The following PTPRE variants were observed in gnomAD, a reference collection of about 807,000 sequenced individuals.
PTPRE encodes the protein protein tyrosine phosphatase receptor type E, also known as receptor-type tyrosine-protein phosphatase epsilon.
PTPRE carries 51 observed loss-of-function variants against 102.0 expected under a neutral mutation model. The ratio of observed to expected loss-of-function variants is 0.50; its 90% CI spans 0.40 to 0.63. PTPRE has a LOEUF of 0.63. PTPRE is among the 30% of genes least tolerant of loss of function. The pLI, the probability that PTPRE is intolerant of heterozygous loss-of-function variation, is 0.00. For synonymous variants in PTPRE, 345 were observed against 348.2 expected (o/e 0.99, Z 0.10); for missense variants, 752 against 915.1 (o/e 0.82, Z 2.30).
intron 1 of PTPRE, among the ~76,000 whole-genome samples, chr10:127,917,318 T>A (rs377071043): frequency 1.1e-3 from 158 of 149,286 alleles, no homozygotes; most frequent in African/African-American, 3.8e-3. Context: ...GCGAAGAGAG[T>A]TTTTCAGCAT....
chr10:127,932,509 T>A (rs895625833), intron 1 of PTPRE, among the ~76,000 whole-genome samples: 2 of 151,944 alleles, frequency 1.3e-5, no homozygotes, highest in Non-Finnish European at 2.9e-5. Context: ...CTGCACGGAG[T>A]TTCTCTCCAG....
chr10:127,957,451 T>G (rs1849485741), intron 1 of PTPRE, among the ~76,000 whole-genome samples: 1 of 152,240 alleles, frequency 6.6e-6, no homozygotes, highest in Admixed American at 6.5e-5. Flanking sequence ...ACATAGATAA[T>G]CATGTAATCT....
At chr10:127,990,084 T>C (rs1852479503) in intron 2 of PTPRE, among the ~76,000 whole-genome samples, 1 of 152,124 alleles carries the variant, frequency 6.6e-6, no homozygotes, top group Non-Finnish European at 1.5e-5. Flanking sequence ...TATAAATGTG[T>C]GTTTTGCCCA....
intron 6 of PTPRE, among the ~76,000 whole-genome samples, chr10:128,050,329 GCGGA>G (rs1237948691): frequency 9.3e-6 from 1 of 107,930 alleles, no homozygotes; most frequent in African/African-American, 3.4e-5. Context: ...GAGTGGGAGG[GCGGA>G]TGGATGGATG....
intron 2 of PTPRE, among the ~76,000 whole-genome samples, chr10:128,001,736 A>G (rs1464839486): frequency 6.6e-6 from 1 of 152,150 alleles, no homozygotes. Context: ...GTTCTGGGAG[A>G]TAACGTATGG....
At chr10:128,021,631 G>A (rs1845895326) in intron 2 of PTPRE, among the ~76,000 whole-genome samples, 1 of 152,212 alleles carries the variant, frequency 6.6e-6, no homozygotes, top group Non-Finnish European at 1.5e-5. Flanking sequence ...ATGCCCCCAA[G>A]CCAATGAGTG....
Position 127,907,405 on chromosome 10 carries a change from G to A in PTPRE, c.-31+96G>A. On this transcript the variant is annotated intron_variant, in intron 1 of 20. Transcript: ENST00000254667. The surrounding 1 kb of genome is among the most constrained non-coding windows in gnomAD (Gnocchi z 4.8). ...CCGGGGCGCTGCCTCGGCCGCTGCC[G>A]CGGGAGGGAGGGGCCGCTCCGGGGC... is the stretch of plus-strand genomic sequence containing the variant. The A allele has an allele frequency of 1.1e-6, 1 of 916,882 alleles. No homozygotes were observed. Among genetic ancestry groups the A allele is most frequent in the Non-Finnish European group, 1.3e-6 (1 of 768,346 alleles). 56.8% of individuals were successfully genotyped at this position (916,882 alleles called of 1,614,324 possible). A position where few individuals can be genotyped will look rare whatever the true frequency, so the allele number is the denominator to read the frequency against.
At chr10:128,000,775 C>T (rs1335153753) in intron 2 of PTPRE, among the ~76,000 whole-genome samples, 1 of 152,216 alleles carries the variant, frequency 6.6e-6, no homozygotes, top group Non-Finnish European at 1.5e-5. Context: ...GCCCTACAAG[C>T]TCTTGCACTG....
chr10:128,017,099 G>A (rs560786698), intron 2 of PTPRE, among the ~76,000 whole-genome samples: 1 of 152,236 alleles, frequency 6.6e-6, no homozygotes, highest in East Asian at 1.9e-4. Flanking sequence ...AGAATGCTGG[G>A]AGGAGACAGC....
intron 2 of PTPRE, among the ~76,000 whole-genome samples, chr10:128,001,356 G>C (rs889088225): frequency 6.6e-6 from 1 of 152,204 alleles, no homozygotes; most frequent in Non-Finnish European, 1.5e-5. Flanking sequence ...CTGGAGAAAG[G>C]CTGATAGTAA....
intron 7 of PTPRE, among the ~76,000 whole-genome samples, chr10:128,059,529 G>A (rs1849328832): frequency 6.6e-6 from 1 of 152,174 alleles, no homozygotes; most frequent in African/African-American, 2.4e-5. Context: ...CCTGATCAGA[G>A]ACTAAGCAGA....
Position 128,081,473 on chromosome 10 carries a change from C to T in PTPRE, c.2029-1359C>T, listed in dbSNP as rs114212895. Among the ~76,000 whole-genome samples the T allele has an allele frequency of 6.4e-3, 974 of 152,310 alleles. 12 individuals are homozygous for T. Among genetic ancestry groups the T allele is most frequent in the African/African-American group, 0.022 (923 of 41,568 alleles). Reference sequence around the variant, plus strand: ...CCCCAATCACTTGTACTCGAGACTACGTGGGATGGTCAGCAGTTAGCTGCT... The same window carrying T: ...CCCCAATCACTTGTACTCGAGACTATGTGGGATGGTCAGCAGTTAGCTGCT... On this transcript the variant is annotated intron_variant, in intron 20 of 20. Coordinates refer to ENST00000254667, the MANE Select transcript of PTPRE (RefSeq NM_006504.6).
intron 2 of PTPRE, among the ~76,000 whole-genome samples, chr10:128,020,863 C>G (rs1032833505): frequency 3.9e-5 from 6 of 151,960 alleles, no homozygotes; most frequent in Non-Finnish European, 5.9e-5. Flanking sequence ...GTGGTTCAGC[C>G]ATAGCTCAGC....
chr10:127,968,834 G>A lies in PTPRE; in HGVS notation c.-30-13440G>A, dbSNP rs538316561. Among the ~76,000 whole-genome samples the A allele has an allele frequency of 9.8e-5, 15 of 152,316 alleles. No homozygotes were observed. In the South Asian group the frequency reaches 2.7e-3, roughly 27 times the overall value. On this transcript the variant is annotated intron_variant, in intron 1 of 20. Coordinates refer to ENST00000254667, the MANE Select transcript of PTPRE (RefSeq NM_006504.6). ...GTATAAATGCCAGCTCCCTTTCCCTGGAGATAAGAAGTGATTGTGATTGTG... is the reference window on the plus strand; with the variant it reads ...GTATAAATGCCAGCTCCCTTTCCCTAGAGATAAGAAGTGATTGTGATTGTG...
intron 7 of PTPRE, among the ~76,000 whole-genome samples, chr10:128,059,267 G>C (rs758418983): frequency 7.2e-5 from 11 of 152,218 alleles, no homozygotes; most frequent in Non-Finnish European, 1.5e-4. Flanking sequence ...CTCACAGTGA[G>C]GTCTGCAGGA....
chr10:128,046,463 C>G (rs1019472814), intron 3 of PTPRE, among the ~76,000 whole-genome samples: 2 of 152,236 alleles, frequency 1.3e-5, no homozygotes, highest in Non-Finnish European at 1.5e-5. Flanking sequence ...CCAAGGCAGT[C>G]ATGCTGAGGC....
In PTPRE at chr10:128,066,151, T is replaced by C; in HGVS notation, c.800T>C (p.Val267Ala). The C allele has an allele frequency of 6.2e-7, 1 of 1,614,162 alleles. No homozygotes were observed. Residue 267 changes from valine to alanine, a missense_variant, in exon 11 of 21, where the codon GTG becomes GCG. By Grantham distance (64) the Val-to-Ala change is moderately conservative. This residue lies in a region of PTPRE where 636 missense variants were observed against 824.4 expected (regional missense o/e 0.77). Coordinates refer to ENST00000254667, the MANE Select transcript of PTPRE (RefSeq NM_006504.6). ...ATCCGGGTGTGCGTGGAGGACTGCG[T>C]GGTTTTGGTCGACTACACCATCCGG... The part of the protein sequence containing the change: ...GNIRVCVEDC[V>A]VLVDYTIRKF...
In PTPRE at chr10:128,070,936, G is replaced by C. The variant is rs371076872; in HGVS notation, c.1387+35G>C. 44 of 1,581,202 alleles carry C rather than the reference G, an allele frequency of 2.8e-5. No homozygotes were observed. In the African/African-American group the frequency reaches 5.4e-4, roughly 19 times the overall value. On this transcript the variant is annotated intron_variant, in intron 15 of 20. Coordinates refer to ENST00000254667, the MANE Select transcript of PTPRE (RefSeq NM_006504.6). The surrounding 1 kb of genome is among the most constrained non-coding windows in gnomAD (Gnocchi z 4.8). ...CCGTGGCGTGGCTTGGGCAGGGCTG[G>C]GGCGGGGCTGGTGCCGGAGGCTTTC... is the stretch of plus-strand genomic sequence containing the variant.
chr10:128,004,489 T>C (rs1345080671), intron 2 of PTPRE, among the ~76,000 whole-genome samples: 1 of 152,186 alleles, frequency 6.6e-6, no homozygotes, highest in African/African-American at 2.4e-5. Flanking sequence ...TCTGGATATT[T>C]TCCATAACCA....
Sources: gnomAD v4.1 joint callset for allele counts (sites outside exome capture counted in the v4.1 genomes callset) on GRCh38, gnomAD v4.1.1 for gene constraint, gnomAD v4.1.1 regional missense constraint, Gnocchi (gnomAD v3.1) non-coding constraint, MANE v1.5 for transcripts, NCBI Gene and HGNC (gene_info 2026-07-23, HGNC 2026-07-21) for gene names.